The following DNAAF11 variants were observed in gnomAD, a reference collection of about 807,000 sequenced individuals.
DNAAF11 encodes dynein axonemal assembly factor 11, also known as leucine rich repeat containing 6.
In DNAAF11, 45 loss-of-function variants were observed where a neutral mutation model predicts 60.8. That is an observed-to-expected ratio of 0.74 (90% CI 0.58 to 0.95). The LOEUF is 0.95. DNAAF11 is among the 40% of genes least tolerant of loss of function. The pLI is 0.00. For synonymous variants in DNAAF11, 191 were observed against 183.5 expected (o/e 1.04, Z -0.33); for missense variants, 546 against 546.2 (o/e 1.00, Z 0.00).
rs57081957 is a variant in DNAAF11 at position 132,590,233 on chromosome 8, C to G, written c.1141-6454G>C. Among the ~76,000 whole-genome samples, 1,139 of 152,316 alleles carry G rather than the reference C, an allele frequency of 7.5e-3. 17 individuals are homozygous for G. Among genetic ancestry groups the G allele is most frequent in the African/African-American group, 0.026 (1,077 of 41,568 alleles). On this transcript the variant is annotated intron_variant, in intron 10 of 11. Coordinates refer to ENST00000620350, the MANE Select transcript of DNAAF11 (RefSeq NM_012472.6). ...GGAGGGAAGCTGGAGGGCCAAGAAC[C>G]GTACGTGCTTTCACAACCCCTGTCT... is the stretch of plus-strand genomic sequence containing the variant.
upstream of DNAAF11, among the ~76,000 whole-genome samples, chr8:132,677,513 A>AAC (rs1465496777): frequency 2.0e-5 from 3 of 152,248 alleles, no homozygotes; most frequent in Admixed American, 2.0e-4. Context: ...AGTTCTCAAG[A>AAC]GCAATTGCAA....
chr8:132,694,499 G>C, the DNAAF11 span, among the ~76,000 whole-genome samples: 4 of 152,142 alleles, frequency 2.6e-5, no homozygotes, highest in Admixed American at 1.3e-4. Flanking sequence ...TCTAGCCTCC[G>C]TAACTGTGAG....
In DNAAF11 at chr8:132,625,389, A is replaced by G. The variant is rs147849568; in HGVS notation, c.719T>C (p.Leu240Ser). Residue 240 changes from leucine (L) to serine (S), a missense_variant, in exon 6 of 12, where the codon TTA becomes TCA. Leu to Ser is a moderately radical substitution (Grantham distance 145, BLOSUM62 -2). Coordinates refer to ENST00000620350, the MANE Select transcript of DNAAF11 (RefSeq NM_012472.6). ...PDTEEHNTKK[L>S]DNSEDDLEFW... is the part of the protein sequence containing the mutation. ...TTCCAAGTCATCTTCACTGTTGTCT[A>G]ATTTCTTTGTGTTGTGTTCCTCTGT... 1.3e-4 allele frequency: 205 copies of G among 1,613,558 alleles called. No individual in the cohort carries two copies. In the African/African-American group the frequency reaches 2.4e-3, roughly 19 times the overall value.
At chr8:132,698,520 C>A in the DNAAF11 span, among the ~76,000 whole-genome samples, 1 of 152,122 alleles carries the variant, frequency 6.6e-6, no homozygotes, top group Non-Finnish European at 1.5e-5. Flanking sequence ...AGCTAAATTA[C>A]AATGTGCCTG....
chr8:132,607,914 T>G (rs1156424940), intron 10 of DNAAF11, among the ~76,000 whole-genome samples: 2 of 152,130 alleles, frequency 1.3e-5, no homozygotes, highest in African/African-American at 4.8e-5. Context: ...TCCAAGAATT[T>G]CCCTCAGTAA....
At chr8:132,659,895 G>A (rs912774728) in intron 2 of DNAAF11, among the ~76,000 whole-genome samples, 2 of 152,118 alleles carry the variant, frequency 1.3e-5, no homozygotes, top group African/African-American at 2.4e-5. Context: ...TACACTAGAT[G>A]CCAATAGCAT....
intron 2 of DNAAF11, among the ~76,000 whole-genome samples, chr8:132,658,058 C>G (rs1193486215): frequency 6.6e-6 from 1 of 152,164 alleles, no homozygotes; most frequent in Non-Finnish European, 1.5e-5. Flanking sequence ...CACCATGAAG[C>G]TCAAAGATGG....
the DNAAF11 span, among the ~76,000 whole-genome samples, chr8:132,686,557 T>TG: frequency 6.6e-6 from 1 of 151,970 alleles, no homozygotes. Context: ...TATGCTATGG[T>TG]GGTGGGTATG....
intron 10 of DNAAF11, among the ~76,000 whole-genome samples, chr8:132,608,134 C>T (rs1441416774): frequency 6.6e-6 from 1 of 151,946 alleles, no homozygotes; most frequent in East Asian, 1.9e-4. Context: ...AAGATCCTTG[C>T]AAATAACTAC....
At chr8:132,693,435 T>A in the DNAAF11 span, among the ~76,000 whole-genome samples, 1 of 137,198 alleles carries the variant, frequency 7.3e-6, no homozygotes, top group Non-Finnish European at 1.5e-5. Flanking sequence ...TTTATGTAAA[T>A]GTAATGTATG....
intron 10 of DNAAF11, among the ~76,000 whole-genome samples, chr8:132,584,611 G>A (rs1282046633): frequency 6.6e-6 from 1 of 152,164 alleles, no homozygotes; most frequent in Non-Finnish European, 1.5e-5. Flanking sequence ...TATGGGGTCT[G>A]CCTTTTGTTT....
intron 10 of DNAAF11, among the ~76,000 whole-genome samples, chr8:132,590,976 T>G (rs1586502024): frequency 6.6e-6 from 1 of 152,344 alleles, no homozygotes; most frequent in Non-Finnish European, 1.5e-5. Flanking sequence ...ATGTGTGCAC[T>G]ATCATTTAAT....
At chr8:132,685,685 C>A in the DNAAF11 span, among the ~76,000 whole-genome samples, 1 of 152,180 alleles carries the variant, frequency 6.6e-6, no homozygotes, top group Non-Finnish European at 1.5e-5. Flanking sequence ...CCCCTTCCAG[C>A]TTAGAGAGAA....
At chr8:132,615,215 CTTATT>C (rs1328984478) in intron 7 of DNAAF11, 118 bp from the exon 8 acceptor site, 2 of 522,614 alleles carry the variant, frequency 3.8e-6, no homozygotes, top group Admixed American at 3.5e-5. Flanking sequence ...CCAAAGACAA[CTTATT>C]TTAGTGGTTG....
At chr8:132,702,751 A>C in the DNAAF11 span, among the ~76,000 whole-genome samples, 2 of 152,202 alleles carry the variant, frequency 1.3e-5, no homozygotes, top group Non-Finnish European at 2.9e-5. Flanking sequence ...TAAAGCTTAG[A>C]AACGTGAAAT....
chr8:132,637,318 T>G (rs1821402810), intron 4 of DNAAF11, among the ~76,000 whole-genome samples: 1 of 152,162 alleles, frequency 6.6e-6, no homozygotes, highest in South Asian at 2.1e-4. Flanking sequence ...CCAAAGACTG[T>G]GAACCTGCCG....
At chr8:132,668,230 G>A (rs1476540118) in intron 1 of DNAAF11, among the ~76,000 whole-genome samples, 1 of 152,172 alleles carries the variant, frequency 6.6e-6, no homozygotes, top group African/African-American at 2.4e-5. Flanking sequence ...TTTTCTTGCT[G>A]ACCCAGGCTC....
At chr8:132,588,108 C>A (rs370248461) in intron 10 of DNAAF11, among the ~76,000 whole-genome samples, 47 of 152,190 alleles carry the variant, frequency 3.1e-4, no homozygotes, top group African/African-American at 1.0e-3. Flanking sequence ...TTGGGTTGAA[C>A]CATAAAAATT....
the DNAAF11 span, among the ~76,000 whole-genome samples, chr8:132,692,215 C>A: frequency 1.3e-5 from 2 of 151,880 alleles, no homozygotes; most frequent in South Asian, 4.2e-4. Context: ...GGGTAGAGAG[C>A]CAACAGGGCT....
Sources: allele counts gnomAD v4.1 joint callset (sites outside exome capture counted in the v4.1 genomes callset), GRCh38; gene constraint gnomAD v4.1.1; transcripts MANE v1.5; gene names NCBI Gene and HGNC (gene_info 2026-07-23, HGNC 2026-07-21).